The following MYH10 variants were observed in gnomAD, a reference collection of about 807,000 sequenced individuals.
MYH10 encodes myosin-10.
In MYH10, 55 loss-of-function variants were observed where a neutral mutation model predicts 257.8. That is an observed-to-expected ratio of 0.21 (90% CI 0.17 to 0.27). The LOEUF is 0.27. Ranked by LOEUF, MYH10 falls within the 10% of genes least tolerant of loss-of-function variation. MYH10 has a pLI of 1.00. For synonymous variants in MYH10, 854 were observed against 921.7 expected, an observed-to-expected ratio of 0.93 and a Z score of 1.33; for missense variants, 1,631 against 2,500.6, an observed-to-expected ratio of 0.65 and a Z score of 7.42.
intron 36 of MYH10, among the ~76,000 whole-genome samples, chr17:8,487,019 A>C (rs1289304485): frequency 6.6e-6 from 1 of 152,120 alleles, no homozygotes; most frequent in Non-Finnish European, 1.5e-5. Flanking sequence ...CACACCATGA[A>C]CTCTTGCAGA....
Position 8,506,127 on chromosome 17 carries a change from G to T in MYH10, c.3386+191C>A. The T allele has an allele frequency of 2.0e-6, 1 of 505,088 alleles. No homozygotes were observed. The highest frequency in any genetic ancestry group is 3.4e-6 in the Non-Finnish European group (1 of 294,000). The allele number at this position is 505,088 out of a possible 1,614,324, so 31.3% of individuals were successfully genotyped here. On this transcript the variant is annotated intron_variant, in intron 27 of 42. Coordinates refer to ENST00000360416, the MANE Select transcript of MYH10 (RefSeq NM_001256012.3). This position sits in a 1 kb window ranked among gnomAD's most constrained non-coding sequence, Gnocchi z 5.0. The stretch of plus-strand genomic sequence containing the variant: ...ATTTTAAAGTATAAATATTGAGATG[G>T]TTTATGAGACTTTCTTGCTGTCCTG...
At chr17:8,541,255 C>T (rs940905555) in intron 14 of MYH10, among the ~76,000 whole-genome samples, 1 of 152,214 alleles carries the variant, frequency 6.6e-6, no homozygotes, top group Admixed American at 6.5e-5. Context: ...AGAACCAGAA[C>T]TGCTTCAAAG....
intron 7 of MYH10, among the ~76,000 whole-genome samples, chr17:8,563,324 G>C (rs553422788): frequency 6.6e-6 from 1 of 152,304 alleles, no homozygotes; most frequent in East Asian, 1.9e-4. Context: ...ATGGATATTA[G>C]AAATCACTAG....
At position 8,518,869 on chromosome 17, in the gene MYH10, A is replaced by G. The variant is rs752871350; in HGVS notation, c.2343+12T>C. ...AAATCTACAAGCCAGAAAAAGATCA[A>G]GAAAACCTTACCATTCGTTCACAGG... On this transcript the variant is annotated intron_variant, in intron 20 of 42. Transcript: ENST00000360416. 6.2e-7 allele frequency: 1 copy of G among 1,605,574 alleles called. No individual in the cohort carries two copies. Among genetic ancestry groups the G allele is most frequent in the South Asian group, 1.1e-5 (1 of 88,794 alleles).
intron 16 of MYH10, among the ~76,000 whole-genome samples, chr17:8,534,564 A>T (rs1336598763): frequency 6.6e-6 from 1 of 152,144 alleles, no homozygotes; most frequent in Non-Finnish European, 1.5e-5. Context: ...CTCTGCTTCC[A>T]TTCCTTTCCC....
intron 33 of MYH10, 35 bp from the exon 34 acceptor site, chr17:8,492,544 G>A (rs758954277): frequency 1.1e-5 from 17 of 1,572,430 alleles, no homozygotes; most frequent in South Asian, 5.7e-5. Flanking sequence ...ACGAAAAACC[G>A]AAACAGTGAC....
At chr17:8,511,922 T>C (rs1210656352) in intron 24 of MYH10, among the ~76,000 whole-genome samples, 1 of 152,228 alleles carries the variant, frequency 6.6e-6, no homozygotes, top group African/African-American at 2.4e-5. Context: ...AAAAAGCACA[T>C]TTGTCTGTTT....
At chr17:8,481,473 C>A in intron 37 of MYH10, 63 bp from the exon 38 acceptor site, 1 of 1,460,784 alleles carries the variant, frequency 6.8e-7, no homozygotes, top group South Asian at 1.2e-5. Context: ...TGGAATCTGA[C>A]AGTGCCTGGA....
intron 2 of MYH10, among the ~76,000 whole-genome samples, chr17:8,609,466 A>C (rs2084943000): frequency 6.6e-6 from 1 of 152,236 alleles, no homozygotes; most frequent in South Asian, 2.1e-4. Context: ...CATCATTCAG[A>C]GGATTCAGAA....
At position 8,569,646 on chromosome 17, in the gene MYH10, T is replaced by C. The variant is rs2083276009; in HGVS notation, c.756+74A>G. 3.0e-6 allele frequency: 3 copies of C among 1,013,542 alleles called. No individual in the cohort carries two copies. The South Asian group carries it at 5.5e-5, about 19-fold the overall frequency. The allele number at this position is 1,013,542 out of a possible 1,614,324, so 62.8% of individuals were successfully genotyped here. The stretch of plus-strand genomic sequence containing the variant: ...CTTAAAATCTAGGAAGAAAAGTAAT[T>C]CATTTGCTTAATCACAGTAAACATT... On this transcript the variant is annotated intron_variant, in intron 7 of 42. Transcript: ENST00000360416. The surrounding 1 kb of genome is among the most constrained non-coding windows in gnomAD (Gnocchi z 4.1).
intron 4 of MYH10, among the ~76,000 whole-genome samples, chr17:8,581,388 A>C (rs1038419526): frequency 6.6e-6 from 1 of 152,002 alleles, no homozygotes; most frequent in Non-Finnish European, 1.5e-5. Flanking sequence ...ACTTGTCTCA[A>C]ATATAGTTAT....
intron 4 of MYH10, among the ~76,000 whole-genome samples, chr17:8,577,858 A>C (rs2083556868): frequency 6.6e-6 from 1 of 152,190 alleles, no homozygotes; most frequent in African/African-American, 2.4e-5. Context: ...GATAGATGCC[A>C]GTAAGAGGAC....
In MYH10 at chr17:8,548,734, T is replaced by G. The variant is rs763582048; in HGVS notation, c.973A>C (p.Ile325Leu). The change falls in exon 10 of 43, where the codon ATT (isoleucine) becomes CTT (leucine). Residue 325 changes from isoleucine to leucine, a missense_variant. By Grantham distance (5) the Ile-to-Leu change is conservative. Transcript: ENST00000360416. The part of the protein sequence containing the change: ...NNYRFLSNGY[I>L]PIPGQQDKDN... ...TTGTCTTGCTGTCCCGGAATAGGAA[T>G]ATAGCCATTGGAGAGAAACCTGTAG... 2 of 1,613,708 alleles carry G rather than the reference T, an allele frequency of 1.2e-6. No individual in the cohort carries two copies. The highest frequency in any genetic ancestry group is 2.2e-5 in the South Asian group (2 of 91,066).
At chr17:8,540,809 A>G (rs370975901) in intron 14 of MYH10, among the ~76,000 whole-genome samples, 10 of 152,248 alleles carry the variant, frequency 6.6e-5, no homozygotes, top group East Asian at 1.9e-4. Flanking sequence ...ATAAATGCCC[A>G]AACAATTCTT....
At chr17:8,561,233 A>T in intron 7 of MYH10, 1 of 830,440 alleles carries the variant, frequency 1.2e-6, no homozygotes, top group Non-Finnish European at 2.1e-6. Flanking sequence ...CTCCAAGATG[A>T]CAAAGAAAAG....
intron 14 of MYH10, among the ~76,000 whole-genome samples, chr17:8,536,296 G>A (rs773784320): frequency 1.3e-5 from 2 of 152,124 alleles, no homozygotes; most frequent in Non-Finnish European, 2.9e-5. Flanking sequence ...TGACTGGCTG[G>A]AGAAATCATT....
intron 2 of MYH10, among the ~76,000 whole-genome samples, chr17:8,617,608 C>G (rs1223304988): frequency 6.6e-6 from 1 of 152,056 alleles, no homozygotes; most frequent in East Asian, 1.9e-4. Flanking sequence ...CCAGGAATTC[C>G]ACTCCTAGTT....
chr17:8,506,419 C>G lies in MYH10; in HGVS notation c.3285G>C (p.Thr1095=). The G allele has an allele frequency of 1.9e-6, 3 of 1,612,786 alleles. No individual in the cohort carries two copies. The highest frequency in any genetic ancestry group is 1.7e-4 in the Middle Eastern group (1 of 6,056). The part of the protein sequence containing the change: ...EKAKRKLDGE[T]TDLQDQIAEL... ...CTGCGATCTGGTCCTGCAGGTCGGT[C>G]GTCTCCCCGTCGAGTTTTCTTTTGG... is the stretch of plus-strand genomic sequence containing the variant. Residue 1095 remains threonine, a synonymous_variant, in exon 27 of 43, where the codon ACG becomes ACC. Transcript: ENST00000360416. This position sits in a 1 kb window ranked among gnomAD's most constrained non-coding sequence, Gnocchi z 5.0.
intron 2 of MYH10, among the ~76,000 whole-genome samples, chr17:8,612,430 A>G (rs995892707): frequency 2.0e-4 from 31 of 152,248 alleles, no homozygotes; most frequent in African/African-American, 7.5e-4. Context: ...GAAGAGTACA[A>G]TAAGATATTC....
Sources: allele counts gnomAD v4.1 joint callset (sites outside exome capture counted in the v4.1 genomes callset), GRCh38; gene constraint gnomAD v4.1.1; non-coding constraint Gnocchi (gnomAD v3.1); transcripts MANE v1.5; gene names NCBI Gene and HGNC (gene_info 2026-07-23, HGNC 2026-07-21).